CEPT1: variants seen among roughly 807,000 people sequenced by gnomAD.
The protein encoded by CEPT1 is choline/ethanolamine phosphotransferase 1, also known as choline/ethanolaminephosphotransferase 1.
CEPT1 carries 7 observed loss-of-function variants against 42.6 expected under a neutral mutation model. The ratio of observed to expected loss-of-function variants is 0.16; its 90% CI spans 0.09 to 0.31. CEPT1 has a LOEUF of 0.31. Among genes scored for constraint, CEPT1 ranks in the 10% least tolerant of loss-of-function variants. The pLI is 1.00. For missense variants in CEPT1, 306 were observed against 502.1 expected (o/e 0.61, Z 3.73); for synonymous variants, 171 against 171.9 (o/e 0.99, Z 0.04).
chr1:111,158,353 CAAATAAAT>C (rs56763172), intron 2 of CEPT1, among the ~76,000 whole-genome samples: 1 of 151,674 alleles, frequency 6.6e-6, no homozygotes, highest in African/African-American at 2.4e-5. Flanking sequence ...GACTCCATCT[CAAATAAAT>C]AAATAAATTA....
At chr1:111,184,101 C>A in intron 8 of CEPT1, 90 bp from the exon 9 acceptor site, 1 of 1,269,954 alleles carries the variant, frequency 7.9e-7, no homozygotes, top group Non-Finnish European at 1.1e-6. Context: ...GAAGGTGAAT[C>A]TGTAGAGAGA....
At chr1:111,157,262 G>A (rs1045118237) in intron 2 of CEPT1, among the ~76,000 whole-genome samples, 5 of 151,824 alleles carry the variant, frequency 3.3e-5, no homozygotes, top group Admixed American at 1.3e-4. Flanking sequence ...TCTTTGCTCC[G>A]GAGCAACATT....
intron 3 of CEPT1, 138 bp downstream of exon 3, chr1:111,159,665 C>T: frequency 5.0e-6 from 3 of 598,004 alleles, no homozygotes; most frequent in Non-Finnish European, 7.9e-6. Context: ...GACTATGAAC[C>T]TAGTTAATAT....
chr1:111,173,084 C>T (rs1363685685), intron 4 of CEPT1: 1 of 152,128 alleles, frequency 6.6e-6, no homozygotes, highest in East Asian at 1.9e-4. Context: ...TTTTGTAATT[C>T]TATACTTCTG....
chr1:111,146,246 C>G (rs1053332173), intron 1 of CEPT1, among the ~76,000 whole-genome samples: 4 of 151,978 alleles, frequency 2.6e-5, no homozygotes, highest in African/African-American at 9.7e-5. Flanking sequence ...ATGACCTGAA[C>G]TTCTCACTCT....
At chr1:111,156,425 G>A (rs1336349704) in intron 2 of CEPT1, among the ~76,000 whole-genome samples, 1 of 152,188 alleles carries the variant, frequency 6.6e-6, no homozygotes, top group African/African-American at 2.4e-5. Flanking sequence ...GGTCCATTTG[G>A]TCTGTAGTGC....
intron 2 of CEPT1, among the ~76,000 whole-genome samples, chr1:111,153,573 G>GT (rs1259664186): frequency 6.6e-6 from 1 of 152,074 alleles, no homozygotes; most frequent in Non-Finnish European, 1.5e-5. Flanking sequence ...TTTCCCCTGT[G>GT]TTTTTTCTAG....
intron 4 of CEPT1, among the ~76,000 whole-genome samples, chr1:111,174,331 G>C (rs1656568185): frequency 6.6e-6 from 1 of 151,870 alleles, no homozygotes; most frequent in South Asian, 2.1e-4. Flanking sequence ...AGTTAACCTA[G>C]TAAGAATAGG....
chr1:111,155,484 CATGCCATGT>C (rs1370245081), intron 2 of CEPT1, among the ~76,000 whole-genome samples: 1 of 151,560 alleles, frequency 6.6e-6, no homozygotes, highest in Non-Finnish European at 1.5e-5. Flanking sequence ...ATATATGACA[CATGCCATGT>C]GTGTCATATA....
intron 6 of CEPT1, 120 bp from the exon 7 acceptor site, chr1:111,182,679 C>A (rs1657047376): frequency 1.2e-6 from 1 of 852,730 alleles, no homozygotes. Context: ...GAAATTGCTG[C>A]CTATCAGGCA....
rs551106694 is a variant in CEPT1 at position 111,150,450 on chromosome 1, T to C, written c.339+2397T>C. 3.9e-5 allele frequency among the ~76,000 whole-genome samples: 6 copies of C among 152,326 alleles called. No individual in the cohort carries two copies. In the South Asian group the frequency reaches 1.2e-3, roughly 32 times the overall value. Reference sequence around the variant, plus strand: ...TAATATTTCCAGTTACAAATTCATCTAAGTCCTTATTTCTTTTATATTTTT... The same window carrying C: ...TAATATTTCCAGTTACAAATTCATCCAAGTCCTTATTTCTTTTATATTTTT... On this transcript the variant is annotated intron_variant, in intron 2 of 8. Coordinates refer to ENST00000357172, the MANE Select transcript of CEPT1 (RefSeq NM_006090.5).
chr1:111,165,650 TTAC>T (rs1656112538), intron 4 of CEPT1, among the ~76,000 whole-genome samples: 1 of 152,226 alleles, frequency 6.6e-6, no homozygotes, highest in South Asian at 2.1e-4. Context: ...ACAGATATTA[TTAC>T]AAGTGTACTT....
In CEPT1 at chr1:111,183,497, T is replaced by C; in HGVS notation, c.1041T>C (p.His347=). ...TGACGAAAAGTGAAATGCATTTGCA[T>C]GACACAGCATTCATAGGTCCGGCAC... The part of the protein sequence containing the change: ...AHMTKSEMHL[H]DTAFIGPALL... The change falls in exon 8 of 9, where the codon CAT becomes CAC. Residue 347 remains histidine (H), a synonymous_variant. Transcript: ENST00000357172. 2 of 1,613,784 alleles carry C rather than the reference T, an allele frequency of 1.2e-6. No homozygotes were observed. The highest frequency in any genetic ancestry group is 1.3e-5 in the African/African-American group (1 of 75,050).
In CEPT1 at chr1:111,159,415, C is replaced by A; in HGVS notation, c.375C>A (p.Gly125=). ...GGGCATATATTGCTTGTGCCTGTGG[C>A]CTTTTCATTTACCAGTCTTTGGATG... ...PLWAYIACAC[G]LFIYQSLDAI... is the part of the protein sequence containing the mutation. The change falls in exon 3 of 9, where the codon GGC becomes GGA. Residue 125 remains glycine, a synonymous_variant. Coordinates refer to ENST00000357172, the MANE Select transcript of CEPT1 (RefSeq NM_006090.5). The A allele has an allele frequency of 6.2e-7, 1 of 1,612,570 alleles. No individual in the cohort carries two copies. The highest frequency in any genetic ancestry group is 8.5e-7 in the Non-Finnish European group (1 of 1,179,534).
At chr1:111,182,368 T>G (rs767397450) in intron 6 of CEPT1, 50 bp downstream of exon 6, 5 of 1,552,084 alleles carry the variant, frequency 3.2e-6, no homozygotes, top group Non-Finnish European at 4.4e-6. Flanking sequence ...GGACTTGGTT[T>G]TGTTGTCATT....
intron 5 of CEPT1, among the ~76,000 whole-genome samples, chr1:111,177,312 TG>T (rs2101388059): frequency 6.6e-6 from 1 of 152,216 alleles, no homozygotes; most frequent in East Asian, 1.9e-4. Context: ...GTTTTTCCCT[TG>T]GGGATGCTGA....
intron 2 of CEPT1, among the ~76,000 whole-genome samples, chr1:111,157,079 A>G (rs1415378075): frequency 6.6e-6 from 1 of 152,200 alleles, no homozygotes; most frequent in Non-Finnish European, 1.5e-5. Context: ...TTAGGCTTTC[A>G]TCTTAAAATA....
At chr1:111,164,323 T>C (rs981954081) in intron 4 of CEPT1, among the ~76,000 whole-genome samples, 4 of 152,200 alleles carry the variant, frequency 2.6e-5, no homozygotes, top group African/African-American at 9.6e-5. Flanking sequence ...GTGCCTGTCA[T>C]GTCTAGACAG....
At chr1:111,177,302 G>A (rs989988253) in intron 5 of CEPT1, among the ~76,000 whole-genome samples, 2 of 152,106 alleles carry the variant, frequency 1.3e-5, no homozygotes, top group African/African-American at 2.4e-5. Flanking sequence ...TGGGAGGGTC[G>A]TTTTTCCCTT....
Sources: gnomAD v4.1 joint callset for allele counts (sites outside exome capture counted in the v4.1 genomes callset) on GRCh38, gnomAD v4.1.1 for gene constraint, MANE v1.5 for transcripts, NCBI Gene and HGNC (gene_info 2026-07-23, HGNC 2026-07-21) for gene names.